Variants in DUSP18 observed in about 807,000 individuals in gnomAD.
The protein encoded by DUSP18 is dual specificity phosphatase 18, also known as dual specificity protein phosphatase 18.
A neutral mutation model predicts 6.3 loss-of-function variants in DUSP18; 4 were observed. That is an observed-to-expected ratio of 0.63 (90% CI 0.31 to 1.45). DUSP18 has a LOEUF of 1.45. DUSP18 is among the 40% of genes most tolerant of loss of function. The pLI, the probability that DUSP18 is intolerant of heterozygous loss-of-function variation, is 0.07. For missense variants in DUSP18, 235 were observed against 247.7 expected, an observed-to-expected ratio of 0.95 and a Z score of 0.34; for synonymous variants, 96 against 95.1, an observed-to-expected ratio of 1.01 and a Z score of -0.05.
chr22:30,655,581 G>A (rs1369014799), intron 2 of DUSP18, among the ~76,000 whole-genome samples: 1 of 151,780 alleles, frequency 6.6e-6, no homozygotes, highest in Admixed American at 6.6e-5. Flanking sequence ...TCCCAGAAAT[G>A]GGCCTGCCTT....
rs371630116 is a variant in DUSP18 at position 30,663,427 on chromosome 22, G to A, written c.*10C>T. 8.6e-5 allele frequency: 137 copies of A among 1,598,840 alleles called. No individual in the cohort carries two copies. Among genetic ancestry groups the A allele is most frequent in the Non-Finnish European group, 1.1e-4 (123 of 1,168,764 alleles). ...ACCTCTGACTCCAATGCAGGGGCTC[G>A]TGGGATGGCTCACAGTGGAATCATC... On this transcript the variant is annotated 3_prime_UTR_variant, in exon 2 of 2. Transcript: ENST00000334679.
At chr22:30,657,391 G>A (rs1373370438), downstream of DUSP18, among the ~76,000 whole-genome samples, 4 of 149,756 alleles carry the variant, frequency 2.7e-5, no homozygotes, top group South Asian at 2.1e-4. Flanking sequence ...CCCAGGAGGC[G>A]GAGGTTGCAG....
At chr22:30,654,733 C>T (rs142017342) in intron 2 of DUSP18, 35 of 291,084 alleles carry the variant, frequency 1.2e-4, no homozygotes, top group Non-Finnish European at 1.5e-4. Context: ...CACCACCTTC[C>T]GGCCTGCTTA....
At position 30,663,505 on chromosome 22, in the gene DUSP18, C is replaced by A; in HGVS notation, c.499G>T (p.Val167Phe). The change falls in exon 2 of 2, where the codon GTC (valine) becomes TTC (phenylalanine). Residue 167 changes from valine (V) to phenylalanine (F), a missense_variant. Val to Phe is a conservative substitution (Grantham distance 50). Coordinates refer to ENST00000334679, the MANE Select transcript of DUSP18 (RefSeq NM_152511.5). ...QLFGKNTVHM[V>F]SSPVGMIPDI... ...GGGATCATTCCCACTGGGGAACTGACCATGTGCACAGTGTTCTTGCCAAAC... is the reference window on the plus strand; with the variant it reads ...GGGATCATTCCCACTGGGGAACTGAACATGTGCACAGTGTTCTTGCCAAAC... 1 of 1,614,186 alleles carries A rather than the reference C, an allele frequency of 6.2e-7. No individual in the cohort carries two copies. Among genetic ancestry groups the A allele is most frequent in the Non-Finnish European group, 8.5e-7 (1 of 1,180,016 alleles).
At chr22:30,666,751 T>G (rs900059474) in intron 1 of DUSP18, 1 of 149,886 alleles carries the variant, frequency 6.7e-6, no homozygotes, top group Admixed American at 6.7e-5. Flanking sequence ...GAGAAACAGA[T>G]AGTAAACAGG....
At chr22:30,655,429 CAAAA>C (rs5844917) in intron 2 of DUSP18, among the ~76,000 whole-genome samples, 1 of 111,672 alleles carries the variant, frequency 9.0e-6, no homozygotes, top group Non-Finnish European at 1.8e-5. Flanking sequence ...GAGATCCTAC[CAAAA>C]AAAAAAAAAA....
downstream of DUSP18, among the ~76,000 whole-genome samples, chr22:30,660,484 T>C (rs1389577464): frequency 6.6e-6 from 1 of 152,008 alleles, no homozygotes; most frequent in Admixed American, 6.6e-5. Flanking sequence ...GAGAAAATTT[T>C]TTAAAAAATG....
Position 30,663,611 on chromosome 22 carries a change from G to A in DUSP18, c.393C>T (p.His131=). 1 of 1,614,250 alleles carries A rather than the reference G, an allele frequency of 6.2e-7. No homozygotes were observed. The highest frequency in any genetic ancestry group is 1.1e-5 in the South Asian group (1 of 91,084). ...TGGGCCGGCATGACTTGGTCCACGT[G>A]TGGGCGTCCAGCAGGGACATGGCGT... ...KYHAMSLLDA[H]TWTKSCRPII... The change falls in exon 2 of 2, where the codon CAC becomes CAT. Residue 131 remains histidine, a synonymous_variant. Coordinates refer to ENST00000334679, the MANE Select transcript of DUSP18 (RefSeq NM_152511.5).
chr22:30,666,421 G>C (rs2088666409), intron 1 of DUSP18, among the ~76,000 whole-genome samples: 1 of 152,010 alleles, frequency 6.6e-6, no homozygotes, highest in Non-Finnish European at 1.5e-5. Flanking sequence ...AGGAGTTCAA[G>C]ACCAGCCTGA....
downstream of DUSP18, among the ~76,000 whole-genome samples, chr22:30,657,316 G>T (rs566012216): frequency 1.3e-5 from 2 of 151,376 alleles, no homozygotes; most frequent in African/African-American, 2.4e-5. Context: ...CAAATTAGCC[G>T]GGCGTGGGGG....
Position 30,664,199 on chromosome 22 carries a change from A to G in DUSP18, c.-77-119T>C, listed in dbSNP as rs1370516403. On this transcript the variant is annotated intron_variant, in intron 1 of 1. Coordinates refer to ENST00000334679, the MANE Select transcript of DUSP18 (RefSeq NM_152511.5). ...CCCAAGGCAGTCCTCTGACCATCAC[A>G]GCAGAACTACCCAGCAAACTCATTT... The G allele has an allele frequency of 2.2e-5, 13 of 601,778 alleles. No homozygotes were observed. In the East Asian group the frequency reaches 3.6e-4, roughly 17 times the overall value. The allele number at this position is 601,778 out of a possible 1,614,324, so 37.3% of individuals were successfully genotyped here. A position where few individuals can be genotyped will look rare whatever the true frequency, so the allele number is the denominator to read the frequency against.
Position 30,662,496 on chromosome 22 carries a change from T to G in DUSP18, c.*941A>C, listed in dbSNP as rs547276503. On this transcript the variant is annotated 3_prime_UTR_variant, in exon 2 of 2. Coordinates refer to ENST00000334679, the MANE Select transcript of DUSP18 (RefSeq NM_152511.5). ...TTGGTGAGGGATGGCCAAGAGCTCT[T>G]TGAAACTTTGCCATGTACAATAGCA... is the stretch of plus-strand genomic sequence containing the variant. The G allele has an allele frequency of 6.6e-6, 1 of 152,290 alleles. No individual in the cohort carries two copies. The highest frequency in any genetic ancestry group is 2.1e-4 in the South Asian group (1 of 4,828). 9.4% of individuals were successfully genotyped at this position (152,290 alleles called of 1,614,324 possible).
chr22:30,663,343 A>T lies in DUSP18; in HGVS notation c.*94T>A. 7.7e-7 allele frequency: 1 copy of T among 1,294,956 alleles called. No homozygotes were observed. The highest frequency in any genetic ancestry group is 2.4e-5 in the Admixed American group (1 of 41,354). 80.2% of individuals were successfully genotyped at this position (1,294,956 alleles called of 1,614,324 possible). A position where few individuals can be genotyped will look rare whatever the true frequency, so the allele number is the denominator to read the frequency against. On this transcript the variant is annotated 3_prime_UTR_variant, in exon 2 of 2. Transcript: ENST00000334679. Reference sequence around the variant, plus strand: ...AAAGGCATCATCTGTTTTTTTCTGTATCAACAAAAGTAGAATGTTCAAGTT... The same window carrying T: ...AAAGGCATCATCTGTTTTTTTCTGTTTCAACAAAAGTAGAATGTTCAAGTT...
chr22:30,663,728 G>A lies in DUSP18; in HGVS notation c.276C>T (p.Ser92=), dbSNP rs140097338. The A allele has an allele frequency of 3.5e-4, 565 of 1,614,228 alleles. 8 individuals are homozygous for A. In the Admixed American group the frequency reaches 7.5e-3, roughly 21 times the overall value. ...FFDPIADHIH[S]VEMKQGRTLL... ...AAGTACGGCCCTGCTTCATCTCCAC[G>A]CTGTGGATATGGTCAGCAATAGGGT... The change falls in exon 2 of 2, where the codon AGC becomes AGT. Residue 92 remains serine, a synonymous_variant. Coordinates refer to ENST00000334679, the MANE Select transcript of DUSP18 (RefSeq NM_152511.5).
In DUSP18 at chr22:30,663,509, G is replaced by A. The variant is rs748239500; in HGVS notation, c.495C>T (p.His165=). The A allele has an allele frequency of 1.2e-6, 2 of 1,614,166 alleles. No homozygotes were observed. The highest frequency in any genetic ancestry group is 2.2e-5 in the East Asian group (1 of 44,872). The change falls in exon 2 of 2, where the codon CAC becomes CAT. Residue 165 remains histidine, a synonymous_variant. Coordinates refer to ENST00000334679, the MANE Select transcript of DUSP18 (RefSeq NM_152511.5). Reference sequence around the variant, plus strand: ...TCATTCCCACTGGGGAACTGACCATGTGCACAGTGTTCTTGCCAAACAATT... The same window carrying A: ...TCATTCCCACTGGGGAACTGACCATATGCACAGTGTTCTTGCCAAACAATT... ...EFQLFGKNTV[H]MVSSPVGMIP...
chr22:30,664,121 A>G, intron 1 of DUSP18, 41 bp from the exon 2 acceptor site: 2 of 949,270 alleles, frequency 2.1e-6, no homozygotes, highest in Non-Finnish European at 3.2e-6. Context: ...AGGTGCCCAG[A>G]GGGCCAATTC....
chr22:30,654,187 T>G (rs1284461544), intron 2 of DUSP18: 1 of 270,098 alleles, frequency 3.7e-6, no homozygotes, highest in Non-Finnish European at 7.3e-6. Flanking sequence ...GGTTTCACCA[T>G]GTTAGCCAGG....
rs565593540 is a variant in DUSP18 at position 30,667,474 on chromosome 22, G to C, written c.-90C>G. The C allele has an allele frequency of 1.3e-5, 2 of 152,180 alleles. No individual in the cohort carries two copies. Among genetic ancestry groups the C allele is most frequent in the Non-Finnish European group, 2.9e-5 (2 of 68,028 alleles). The allele number at this position is 152,180 out of a possible 1,614,324, so 9.4% of individuals were successfully genotyped here. A position where few individuals can be genotyped will look rare whatever the true frequency, so the allele number is the denominator to read the frequency against. ...CCCAGGGTTTTACCTCTCTCCTTCA[G>C]GCGGGTGGGCGGGTTCGCTCAGGAA... is the stretch of plus-strand genomic sequence containing the variant. On this transcript the variant is annotated 5_prime_UTR_variant, in exon 1 of 2. Transcript: ENST00000334679.
rs143206465 is a variant in DUSP18, at chr22:30,654,276, G to A, written c.*34-1979C>T. The A allele has an allele frequency of 3.2e-3, 1,390 of 439,528 alleles. 44 individuals are homozygous for A. The East Asian group carries it at 0.072, about 23-fold the overall frequency. The allele number at this position is 439,528 out of a possible 1,614,324, so 27.2% of individuals were successfully genotyped here. On this transcript the variant is annotated intron_variant, in intron 2 of 2. Coordinates refer to the DUSP18 transcript ENST00000404885. ...TAGGATTACAGGCGTGAGCCACCGC[G>A]CCCGGCCATCCCATGAGCTGTTTCT...
Sources: allele counts gnomAD v4.1 joint callset (sites outside exome capture counted in the v4.1 genomes callset), GRCh38; gene constraint gnomAD v4.1.1; transcripts MANE v1.5; gene names NCBI Gene and HGNC (gene_info 2026-07-23, HGNC 2026-07-21).